The following DUSP8 variants were observed in gnomAD, a reference collection of about 807,000 sequenced individuals.
DUSP8 encodes dual specificity protein phosphatase 8.
DUSP8 carries 15 observed loss-of-function variants against 38.7 expected under a neutral mutation model. The observed-to-expected ratio is 0.39, with a 90% CI of 0.26 to 0.60. The LOEUF is 0.60. Ranked by LOEUF, DUSP8 falls within the 20% of genes least tolerant of loss-of-function variation. The pLI is 0.56. For synonymous variants in DUSP8, 458 were observed against 433.9 expected (o/e 1.06, Z -0.69); for missense variants, 768 against 915.0 (o/e 0.84, Z 2.07).
At chr11:1,559,812 C>T (rs774184392) in intron 3 of DUSP8, among the ~76,000 whole-genome samples, 2 of 152,126 alleles carry the variant, frequency 1.3e-5, no homozygotes, top group Non-Finnish European at 1.5e-5. Flanking sequence ...CGTCCAAGTC[C>T]GAGGCCACAG....
In DUSP8 at chr11:1,557,413, G is replaced by A. The variant is rs774637879; in HGVS notation, c.983C>T (p.Pro328Leu). Residue 328 changes from proline to leucine, a missense_variant, in exon 7 of 7, where the codon CCG (proline) becomes CTG (leucine). Physicochemically the swap from Pro to Leu is moderately conservative, Grantham distance 98. Around this residue, in one of 3 missense-constraint regions of DUSP8, gnomAD observed 474 missense variants for 430.8 expected, o/e 1.10. Transcript: ENST00000397374. The surrounding 1 kb of genome is among the most constrained non-coding windows in gnomAD (Gnocchi z 9.9). ...GGTAGGTGGTGGCAGCCGTGGCAGC[G>A]GGGCCCCGGCGGCAGGACTGGGCGG... ...EPPPSPAAGA[P>L]LPRLPPPTSE... 3.2e-6 allele frequency: 5 copies of A among 1,566,284 alleles called. No individual in the cohort carries two copies. The highest frequency in any genetic ancestry group is 4.3e-6 in the Non-Finnish European group (5 of 1,168,156).
chr11:1,559,359 T>G, intron 3 of DUSP8: 1 of 327,732 alleles, frequency 3.1e-6, no homozygotes. Context: ...TTGAGGTGGC[T>G]GGCCATCACG....
intron 3 of DUSP8, among the ~76,000 whole-genome samples, chr11:1,561,963 G>A (rs1848723753): frequency 6.6e-6 from 1 of 152,244 alleles, no homozygotes; most frequent in Admixed American, 6.5e-5. Context: ...ATACCACGGG[G>A]CCTGGGACTC....
chr11:1,572,331 A>T (rs1848919012), upstream of DUSP8, among the ~76,000 whole-genome samples: 1 of 146,786 alleles, frequency 6.8e-6, no homozygotes, highest in South Asian at 2.1e-4. This position sits in a 1 kb window ranked among gnomAD's most constrained non-coding sequence, Gnocchi z 4.7. Flanking sequence ...CGAGCGAAAA[A>T]AGCCCCTGAC....
intron 3 of DUSP8, among the ~76,000 whole-genome samples, chr11:1,561,242 G>A (rs909636140): frequency 4.6e-5 from 7 of 152,138 alleles, no homozygotes; most frequent in African/African-American, 1.7e-4. Context: ...TCCCTGACTC[G>A]GGGGTTTCTG....
chr11:1,567,707 C>T (rs1410641917), intron 1 of DUSP8, among the ~76,000 whole-genome samples: 1 of 152,248 alleles, frequency 6.6e-6, no homozygotes, highest in African/African-American at 2.4e-5. Flanking sequence ...CCAGGGATTG[C>T]AGTGGCACCT....
chr11:1,557,806 T>G lies in DUSP8; in HGVS notation c.809A>C (p.Asp270Ala). 1 of 1,613,166 alleles carries G rather than the reference T, an allele frequency of 6.2e-7. No homozygotes were observed. The highest frequency in any genetic ancestry group is 8.5e-7 in the Non-Finnish European group (1 of 1,179,986). Residue 270 changes from aspartate to alanine, a missense_variant, in exon 6 of 7, where the codon GAC becomes GCC. By Grantham distance (126) the Asp-to-Ala change is moderately radical (BLOSUM62 -2). Transcript: ENST00000397374. The surrounding 1 kb of genome is among the most constrained non-coding windows in gnomAD (Gnocchi z 9.9). Reference sequence around the variant, plus strand: ...GGGAAGGTGGTACCTGTAGGCGTCGTCGGAGGACATGCCCATGGTCTTCAT... The same window carrying G: ...GGGAAGGTGGTACCTGTAGGCGTCGGCGGAGGACATGCCCATGGTCTTCAT... ...YIMKTMGMSS[D>A]DAYRFVKDRR...
chr11:1,566,038 C>T, intron 1 of DUSP8, 104 bp from the exon 2 acceptor site: 1 of 563,632 alleles, frequency 1.8e-6, no homozygotes, highest in Non-Finnish European at 3.2e-6. Flanking sequence ...CCAGGACACA[C>T]CAACATGTGC....
chr11:1,566,527 C>T (rs565877413), intron 1 of DUSP8, among the ~76,000 whole-genome samples: 7 of 152,300 alleles, frequency 4.6e-5, no homozygotes, highest in East Asian at 1.9e-4. Flanking sequence ...CGGGGGCAGC[C>T]GGATAGCAGG....
At chr11:1,571,042 C>T (rs962922802) in intron 1 of DUSP8, among the ~76,000 whole-genome samples, 1 of 151,900 alleles carries the variant, frequency 6.6e-6, no homozygotes, top group Admixed American at 6.6e-5. Context: ...CACTGCAGCA[C>T]CAGAGCCCCT....
rs11033310 is a variant in DUSP8, at chr11:1,558,686, C to T, written c.537+203G>A. Among the ~76,000 whole-genome samples, 81,902 of 152,000 alleles carry T rather than the reference C, an allele frequency of 0.54. 22,457 individuals are homozygous for T. The highest frequency in any genetic ancestry group is 0.56 in the African/African-American group (23,029 of 41,478). ...TCCCCCGAGCCCTGCCGGGCCCTCCCGCAAGCCCTGCTGTGGTCCTTCCAG... is the reference window on the plus strand; with the variant it reads ...TCCCCCGAGCCCTGCCGGGCCCTCCTGCAAGCCCTGCTGTGGTCCTTCCAG... On this transcript the variant is annotated intron_variant, in intron 4 of 6. Transcript: ENST00000397374. The surrounding 1 kb of genome is among the most constrained non-coding windows in gnomAD (Gnocchi z 6.3).
At chr11:1,565,390 G>A (rs1848785687) in intron 2 of DUSP8, among the ~76,000 whole-genome samples, 1 of 152,140 alleles carries the variant, frequency 6.6e-6, no homozygotes. Flanking sequence ...GCTGCGGGCG[G>A]GGGTGCGGGG....
Position 1,556,652 on chromosome 11 carries a change from G to T in DUSP8, c.1744C>A (p.Gln582Lys). The T allele has an allele frequency of 7.1e-7, 1 of 1,406,950 alleles. No homozygotes were observed. Among genetic ancestry groups the T allele is most frequent in the Non-Finnish European group, 9.3e-7 (1 of 1,076,120 alleles). The allele number at this position is 1,406,950 out of a possible 1,614,324, so 87.2% of individuals were successfully genotyped here. The change falls in exon 7 of 7, where the codon CAG becomes AAG. Residue 582 changes from glutamine to lysine, a missense_variant. This residue lies in a region of DUSP8 where 474 missense variants were observed against 430.8 expected (regional missense o/e 1.10). Coordinates refer to ENST00000397374, the MANE Select transcript of DUSP8 (RefSeq NM_004420.3). The surrounding 1 kb of genome is among the most constrained non-coding windows in gnomAD (Gnocchi z 5.2). Reference protein sequence around the residue: ...GWPEEPAPETQFKRRSCQMEF... With the variant: ...GWPEEPAPETKFKRRSCQMEF... ...ATCTGGCAGCTGCGGCGCTTGAACTGCGTCTCCGGGGCCGGCTCCTCGGGC... is the reference window on the plus strand; with the variant it reads ...ATCTGGCAGCTGCGGCGCTTGAACTTCGTCTCCGGGGCCGGCTCCTCGGGC...
rs1334982484 is a variant in DUSP8 at position 1,556,953 on chromosome 11, C to T, written c.1443G>A (p.Arg481=). The change falls in exon 7 of 7, where the codon CGG becomes CGA. Residue 481 remains arginine (R), a synonymous_variant. Transcript: ENST00000397374. This position sits in a 1 kb window ranked among gnomAD's most constrained non-coding sequence, Gnocchi z 5.2. ...CCGAGAGGCCGTGCCGCGGAGTCTG[C>T]CGGGCCGCATCGCCGAAGTTCAGGC... ...SLGLNFGDAA[R]QTPRHGLSAL... is the part of the protein sequence containing the mutation. 2 of 1,068,204 alleles carry T rather than the reference C, an allele frequency of 1.9e-6. No homozygotes were observed. Among genetic ancestry groups the T allele is most frequent in the Non-Finnish European group, 2.3e-6 (2 of 884,772 alleles). 66.2% of individuals were successfully genotyped at this position (1,068,204 alleles called of 1,614,324 possible).
chr11:1,557,028 CCGCCGGCGGGGCCGTGGG>C lies in DUSP8; in HGVS notation c.1350_1367del (p.Arg454_Pro459del), dbSNP rs1408101745. 1.2e-5 allele frequency: 13 copies of C among 1,052,396 alleles called. No individual in the cohort carries two copies. Among genetic ancestry groups the C allele is most frequent in the Non-Finnish European group, 1.4e-5 (12 of 875,338 alleles). 65.2% of individuals were successfully genotyped at this position (1,052,396 alleles called of 1,614,324 possible). A position where few individuals can be genotyped will look rare whatever the true frequency, so the allele number is the denominator to read the frequency against. ...CGGGGGAGCCGGCGGGGGGCCGGGG[CCGCCGGCGGGGCCGTGGG>C]CGCGCCTCAGGCGCGGCGTCCGGGC... is the stretch of plus-strand genomic sequence containing the variant. On this transcript the variant is annotated inframe_deletion, in exon 7 of 7. Transcript: ENST00000397374. The surrounding 1 kb of genome is among the most constrained non-coding windows in gnomAD (Gnocchi z 9.9).
At position 1,556,861 on chromosome 11, in the gene DUSP8, A is replaced by G; in HGVS notation, c.1535T>C (p.Leu512Pro). 8.9e-7 allele frequency: 1 copy of G among 1,125,860 alleles called. No homozygotes were observed. Among genetic ancestry groups the G allele is most frequent in the Non-Finnish European group, 1.1e-6 (1 of 920,854 alleles). 69.7% of individuals were successfully genotyped at this position (1,125,860 alleles called of 1,614,324 possible). ...PAGPGAWAPP[L>P]DSPGTPSPDG... is the part of the protein sequence containing the mutation. ...GGGCGACGGCGTGCCTGGGGAGTCG[A>G]GCGGCGGTGCCCAGGCCCCGGGGCC... The change falls in exon 7 of 7, where the codon CTC becomes CCC. Residue 512 changes from leucine to proline, a missense_variant. By Grantham distance (98) the Leu-to-Pro change is moderately conservative. Around this residue, in one of 3 missense-constraint regions of DUSP8, gnomAD observed 474 missense variants for 430.8 expected, o/e 1.10. Transcript: ENST00000397374. The surrounding 1 kb of genome is among the most constrained non-coding windows in gnomAD (Gnocchi z 5.2).
At position 1,555,499 on chromosome 11, in the gene DUSP8, G is replaced by GCCCCCC; in HGVS notation, c.*1018_*1019insGGGGGG. 1 of 348,840 alleles carries GCCCCCC rather than the reference G, an allele frequency of 2.9e-6. No individual in the cohort carries two copies. The highest frequency in any genetic ancestry group is 4.0e-6 in the Non-Finnish European group (1 of 248,808). 21.6% of individuals were successfully genotyped at this position (348,840 alleles called of 1,614,324 possible). A position where few individuals can be genotyped will look rare whatever the true frequency, so the allele number is the denominator to read the frequency against. On this transcript the variant is annotated 3_prime_UTR_variant, in exon 7 of 7. Transcript: ENST00000397374. ...GGGGCATGGCTGGGAGGGGGGCGGG[G>GCCCCCC]CAGACCTGGAACAGAACCCTAAGAC...
In DUSP8 at chr11:1,565,746, C is replaced by A. The variant is rs768306901; in HGVS notation, c.81G>T (p.Pro27=). The change falls in exon 2 of 7, where the codon CCG becomes CCT. Residue 27 remains proline, a synonymous_variant. Coordinates refer to ENST00000397374, the MANE Select transcript of DUSP8 (RefSeq NM_004420.3). The part of the protein sequence containing the change: ...ASLLRGGPGG[P]LVIDSRSFVE... ...CGAAGGAGCGGCTGTCGATGACCAG[C>A]GGCCCCCCAGGCCCGCCCCGCAGCA... 6.2e-7 allele frequency: 1 copy of A among 1,611,790 alleles called. No homozygotes were observed.
chr11:1,562,678 C>T (rs1449917906), intron 3 of DUSP8, among the ~76,000 whole-genome samples: 1 of 126,670 alleles, frequency 7.9e-6, no homozygotes. Flanking sequence ...CACACACATA[C>T]ATGCATGCAC....
Sources: gnomAD v4.1 joint callset for allele counts (sites outside exome capture counted in the v4.1 genomes callset) on GRCh38, gnomAD v4.1.1 for gene constraint, gnomAD v4.1.1 regional missense constraint, Gnocchi (gnomAD v3.1) non-coding constraint, MANE v1.5 for transcripts, NCBI Gene and HGNC (gene_info 2026-07-23, HGNC 2026-07-21) for gene names.